The following TRDN variants were observed in gnomAD, a reference collection of about 807,000 sequenced individuals.
TRDN encodes triadin.
In TRDN, 161 loss-of-function variants were observed where a neutral mutation model predicts 149.7. The observed-to-expected ratio is 1.08, with a 90% CI of 0.95 to 1.23. The LOEUF is 1.23. Ranked by LOEUF, TRDN falls within the 50% of genes most tolerant of loss-of-function variation. TRDN has a pLI of 0.00. For synonymous variants in TRDN, 294 were observed against 250.5 expected, an observed-to-expected ratio of 1.17 and a Z score of -1.64; for missense variants, 896 against 823.5, an observed-to-expected ratio of 1.09 and a Z score of -1.08.
At chr6:123,452,225 T>C (rs926637368) in intron 10 of TRDN, among the ~76,000 whole-genome samples, 1 of 152,102 alleles carries the variant, frequency 6.6e-6, no homozygotes, top group African/African-American at 2.4e-5. Context: ...CTCTTCAACA[T>C]AGTACTAGAA....
chr6:123,352,579 AG>A lies in TRDN; in HGVS notation c.1328del (p.Pro443LeufsTer28). 1 of 1,610,522 alleles carries A rather than the reference AG, an allele frequency of 6.2e-7. No individual in the cohort carries two copies. The highest frequency in any genetic ancestry group is 8.5e-7 in the Non-Finnish European group (1 of 1,178,140). ...TGGTTGTTTTCTCTTCCTTCTTTCC[AG>A]GTACAGCTGCAAAACAAAGATAAGG... Reference protein sequence around the residue: ...IGAVSIKKAVPGKKEEKTTKT... With the variant: ...IGAVSIKKAVXGKKEEKTTKT... On this transcript the variant is annotated frameshift_variant, in exon 21 of 41. Transcript: ENST00000334268. LOFTEE classifies it high-confidence loss of function.
At chr6:123,256,174 G>C (rs551267990) in intron 35 of TRDN, among the ~76,000 whole-genome samples, 11 of 152,116 alleles carry the variant, frequency 7.2e-5, no homozygotes, top group Admixed American at 4.6e-4. Flanking sequence ...CCACGTTTGA[G>C]TGAGAAAATG....
chr6:123,360,361 C>A (rs995416633), intron 20 of TRDN, among the ~76,000 whole-genome samples: 28 of 152,042 alleles, frequency 1.8e-4, no homozygotes, highest in South Asian at 8.3e-4. Context: ...GGAACACCAA[C>A]AATCACGAGG....
At chr6:123,292,646 C>CT (rs1375723782) in intron 24 of TRDN, among the ~76,000 whole-genome samples, 2 of 152,102 alleles carry the variant, frequency 1.3e-5, no homozygotes, top group Non-Finnish European at 2.9e-5. Context: ...AATGGAAGGG[C>CT]CCTTATCAGG....
intron 23 of TRDN, among the ~76,000 whole-genome samples, chr6:123,329,799 T>C (rs1180503107): frequency 1.3e-5 from 2 of 152,062 alleles, no homozygotes; most frequent in Admixed American, 6.6e-5. Flanking sequence ...AGGGCTGAAT[T>C]TCTAAAATAA....
At chr6:123,320,775 C>T (rs1443558101) in intron 23 of TRDN, among the ~76,000 whole-genome samples, 2 of 151,892 alleles carry the variant, frequency 1.3e-5, no homozygotes, top group Non-Finnish European at 2.9e-5. Flanking sequence ...ACACAAACTA[C>T]TAATAGTCAT....
intron 23 of TRDN, among the ~76,000 whole-genome samples, chr6:123,326,991 A>C (rs1439901806): frequency 6.6e-6 from 1 of 152,004 alleles, no homozygotes; most frequent in African/African-American, 2.4e-5. Flanking sequence ...ACTGTAACCA[A>C]AAGCTATATA....
At chr6:123,543,297 A>C (rs1780942894) in intron 4 of TRDN, among the ~76,000 whole-genome samples, 1 of 152,202 alleles carries the variant, frequency 6.6e-6, no homozygotes, top group African/African-American at 2.4e-5. Context: ...ATAAATGTTC[A>C]TCATTAGTCT....
intron 38 of TRDN, among the ~76,000 whole-genome samples, chr6:123,227,233 A>C (rs1184077723): frequency 6.6e-6 from 1 of 151,932 alleles, no homozygotes; most frequent in Non-Finnish European, 1.5e-5. Context: ...GAAATAGTAC[A>C]TTCTCCAAGT....
rs182091202 is a variant in TRDN at position 123,256,602 on chromosome 6, A to T, written c.1871-700T>A. On this transcript the variant is annotated intron_variant, in intron 35 of 40. Transcript: ENST00000334268. ...CTGGTGATGATGAGCTTTTTAAAAT[A>T]TGTTTGCCTTCTTTTGAGAAGTGTC... 2.0e-5 allele frequency among the ~76,000 whole-genome samples: 3 copies of T among 150,940 alleles called. No individual in the cohort carries two copies. In the East Asian group the frequency reaches 5.8e-4, roughly 29 times the overall value.
At chr6:123,556,259 A>G (rs1396354907) in intron 2 of TRDN, among the ~76,000 whole-genome samples, 1 of 152,174 alleles carries the variant, frequency 6.6e-6, no homozygotes, top group Non-Finnish European at 1.5e-5. Context: ...GAACATTTAA[A>G]TAGTTGTATA....
intron 38 of TRDN, among the ~76,000 whole-genome samples, chr6:123,233,074 C>T (rs73771540): frequency 0.052 from 7,910 of 152,126 alleles, 604 homozygotes; most frequent in African/African-American, 0.18. Flanking sequence ...TTATCAAATT[C>T]GCTGCCTCTC....
chr6:123,508,921 C>A (rs1395869057), intron 7 of TRDN, among the ~76,000 whole-genome samples: 1 of 151,884 alleles, frequency 6.6e-6, no homozygotes, highest in Non-Finnish European at 1.5e-5. Context: ...TTTTGTTTTA[C>A]CAGAAACCAC....
Position 123,268,550 on chromosome 6 carries a change from C to T in TRDN, c.1739-799G>A, listed in dbSNP as rs183840656. ...GACCAAGTGTTACCTCTAATGACCT[C>T]TATGGTCAGTTCTTCTGAGCTGTTC... On this transcript the variant is annotated intron_variant, in intron 31 of 40. Transcript: ENST00000334268. Among the ~76,000 whole-genome samples the T allele has an allele frequency of 2.0e-5, 3 of 152,130 alleles. No individual in the cohort carries two copies. The East Asian group carries it at 5.8e-4, about 29-fold the overall frequency.
At position 123,334,723 on chromosome 6, in the gene TRDN, G is replaced by A. The variant is rs74626038; in HGVS notation, c.1421-2794C>T. On this transcript the variant is annotated intron_variant, in intron 22 of 40. Transcript: ENST00000334268. ...TCCTGATTTTTTTTTTCTTTGCAAC[G>A]GTCATCCCTAGAACTCTATATGTCC... 3.1e-3 allele frequency among the ~76,000 whole-genome samples: 467 copies of A among 151,754 alleles called. 16 individuals carry two copies. The East Asian group carries it at 0.077, about 25-fold the overall frequency.
chr6:123,256,356 G>T (rs1325372689), intron 35 of TRDN, among the ~76,000 whole-genome samples: 1 of 151,896 alleles, frequency 6.6e-6, no homozygotes, highest in East Asian at 1.9e-4. Flanking sequence ...CATGTGGGTT[G>T]GTTCCAAGTC....
chr6:123,627,534 T>C (rs999029486), intron 1 of TRDN, among the ~76,000 whole-genome samples: 8 of 152,172 alleles, frequency 5.3e-5, no homozygotes, highest in Non-Finnish European at 7.3e-5. Context: ...TTATTGTAAT[T>C]CTTTAGAGCC....
rs59953395 is a variant in TRDN, at chr6:123,615,537, TAC to T, written c.22+21215_22+21216del. ...CATTCACGTTTGAAAAACATGTATA[TAC>T]ACACACACACACACACACACAATGG... On this transcript the variant is annotated intron_variant, in intron 1 of 40. Coordinates refer to ENST00000334268, the MANE Select transcript of TRDN (RefSeq NM_006073.4). 6.5e-3 allele frequency among the ~76,000 whole-genome samples: 966 copies of T among 148,776 alleles called. 9 individuals carry two copies. The highest frequency in any genetic ancestry group is 0.018 in the African/African-American group (730 of 40,892).
intron 9 of TRDN, among the ~76,000 whole-genome samples, chr6:123,489,795 G>T (rs1778132659): frequency 6.6e-6 from 1 of 151,916 alleles, no homozygotes; most frequent in Non-Finnish European, 1.5e-5. Context: ...TATCATTATT[G>T]CCCCATCATC....
Sources: gnomAD v4.1 joint callset for allele counts (sites outside exome capture counted in the v4.1 genomes callset) on GRCh38, gnomAD v4.1.1 for gene constraint, MANE v1.5 for transcripts, NCBI Gene and HGNC (gene_info 2026-07-23, HGNC 2026-07-21) for gene names.